The following PTPRZ1 variants were observed in gnomAD, a reference collection of about 807,000 sequenced individuals.
PTPRZ1 encodes the protein receptor-type tyrosine-protein phosphatase zeta.
In PTPRZ1, 82 loss-of-function variants were observed where a neutral mutation model predicts 214.1. The ratio of observed to expected loss-of-function variants is 0.38; its 90% confidence interval spans 0.32 to 0.46. The LOEUF is 0.46. Ranked by LOEUF, PTPRZ1 falls within the 20% of genes least tolerant of loss-of-function variation. PTPRZ1 has a pLI of 1.00. For missense variants in PTPRZ1, 2,603 were observed against 2,748.7 expected, an observed-to-expected ratio of 0.95 and a Z score of 1.19; for synonymous variants, 945 against 987.9, an observed-to-expected ratio of 0.96 and a Z score of 0.81.
At chr7:121,988,476 G>A (rs544197719) in intron 8 of PTPRZ1, among the ~76,000 whole-genome samples, 10 of 152,216 alleles carry the variant, frequency 6.6e-5, no homozygotes, top group African/African-American at 1.4e-4. Flanking sequence ...GCCCTTATGC[G>A]TATAGGGCCT....
intron 13 of PTPRZ1, among the ~76,000 whole-genome samples, chr7:122,021,858 C>T (rs183286955): frequency 1.1e-4 from 16 of 152,256 alleles, no homozygotes; most frequent in African/African-American, 3.8e-4. Context: ...ATCTGACCTA[C>T]TAACATCTGT....
intron 20 of PTPRZ1, among the ~76,000 whole-genome samples, chr7:122,039,853 C>A (rs1799662784): frequency 6.6e-6 from 1 of 151,884 alleles, no homozygotes; most frequent in African/African-American, 2.4e-5. Flanking sequence ...CAAAAATTTG[C>A]TGAGTGTGGT....
chr7:122,026,540 T>A (rs1799211507), intron 13 of PTPRZ1, among the ~76,000 whole-genome samples: 1 of 152,226 alleles, frequency 6.6e-6, no homozygotes, highest in Non-Finnish European at 1.5e-5. Flanking sequence ...GTGGGCCTTC[T>A]GTAGGATAGT....
At chr7:121,899,834 T>A (rs1794906223) in intron 1 of PTPRZ1, among the ~76,000 whole-genome samples, 2 of 152,164 alleles carry the variant, frequency 1.3e-5, no homozygotes, top group African/African-American at 2.4e-5. Context: ...CTTGAGGCCT[T>A]GGACAAGAGA....
chr7:122,040,002 A>C (rs2150477938), intron 20 of PTPRZ1, among the ~76,000 whole-genome samples: 1 of 152,212 alleles, frequency 6.6e-6, no homozygotes, highest in Admixed American at 6.5e-5. Flanking sequence ...AAAGAAAAAA[A>C]AAAAGAATTC....
intron 2 of PTPRZ1, among the ~76,000 whole-genome samples, chr7:121,960,968 C>T (rs901608485): frequency 4.0e-5 from 6 of 151,104 alleles, no homozygotes; most frequent in Non-Finnish European, 7.4e-5. Flanking sequence ...GTTCAGCAAA[C>T]GTTGATTTAA....
rs764189188 is a variant in PTPRZ1 at position 122,019,180 on chromosome 7, GAGA to G, written c.4906_4908del (p.Lys1636del). 1.2e-6 allele frequency: 2 copies of G among 1,611,940 alleles called. No individual in the cohort carries two copies. The highest frequency in any genetic ancestry group is 1.1e-5 in the South Asian group (1 of 91,024). On this transcript the variant is annotated inframe_deletion, in exon 13 of 30. Transcript: ENST00000393386. ...TGGTCTAGCTGAGGGGTTGGAATCCGAGAAGAAGGCAGTTATACCCCTTGTGAT... is the reference window on the plus strand; with the variant it reads ...TGGTCTAGCTGAGGGGTTGGAATCCGAGAAGGCAGTTATACCCCTTGTGAT...
At chr7:122,048,053 A>G (rs531541730) in intron 23 of PTPRZ1, among the ~76,000 whole-genome samples, 6 of 152,296 alleles carry the variant, frequency 3.9e-5, no homozygotes, top group East Asian at 1.9e-4. Flanking sequence ...TTCTCAGAGT[A>G]TAATACAGTA....
intron 1 of PTPRZ1, among the ~76,000 whole-genome samples, chr7:121,920,201 C>A (rs752872363): frequency 2.0e-5 from 3 of 152,104 alleles, no homozygotes; most frequent in Admixed American, 2.0e-4. Context: ...TCCTGAGTGA[C>A]CCCAATCAGA....
Position 122,010,743 on chromosome 7 carries a change from C to G in PTPRZ1, c.1697C>G (p.Thr566Arg), listed in dbSNP as rs778074339. 1.2e-6 allele frequency: 2 copies of G among 1,613,792 alleles called. No homozygotes were observed. The highest frequency in any genetic ancestry group is 2.7e-5 in the African/African-American group (2 of 74,872). Residue 566 changes from threonine (T) to arginine (R), a missense_variant, in exon 12 of 30, where the codon ACA becomes AGA. Coordinates refer to ENST00000393386, the MANE Select transcript of PTPRZ1 (RefSeq NM_002851.3). ...TAESLNTVSI[T>R]EYEEESLLTS... ...GAATCCTTAAATACAGTTTCTATAA[C>G]AGAATATGAGGAGGAGAGTTTATTG...
chr7:122,058,974 T>A (rs775417139), intron 28 of PTPRZ1, 32 bp downstream of exon 28: 5 of 1,529,066 alleles, frequency 3.3e-6, no homozygotes, highest in South Asian at 1.2e-5. Context: ...GTTTCACACC[T>A]GCACATTTTC....
chr7:121,988,247 G>A (rs1292708057), intron 8 of PTPRZ1, among the ~76,000 whole-genome samples: 1 of 152,052 alleles, frequency 6.6e-6, no homozygotes, highest in Non-Finnish European at 1.5e-5. Flanking sequence ...CTTCTAGGGG[G>A]GATCAGAGAT....
chr7:121,890,403 A>G (rs1396384674), intron 1 of PTPRZ1, among the ~76,000 whole-genome samples: 1 of 152,182 alleles, frequency 6.6e-6, no homozygotes, highest in Non-Finnish European at 1.5e-5. Context: ...CTCCTGGGTT[A>G]CATTTTTTCA....
chr7:121,886,780 G>T (rs927373835), intron 1 of PTPRZ1, among the ~76,000 whole-genome samples: 8 of 151,984 alleles, frequency 5.3e-5, no homozygotes, highest in African/African-American at 1.9e-4. Context: ...ACACAATACA[G>T]GTATGCCAGG....
intron 2 of PTPRZ1, among the ~76,000 whole-genome samples, chr7:121,935,726 T>A (rs779185009): frequency 6.6e-6 from 1 of 151,662 alleles, no homozygotes; most frequent in Non-Finnish European, 1.5e-5. Flanking sequence ...CGCCACCACA[T>A]CCCGGCTAAT....
chr7:121,880,924 G>A (rs1377052100), intron 1 of PTPRZ1, among the ~76,000 whole-genome samples: 1 of 152,138 alleles, frequency 6.6e-6, no homozygotes, highest in African/African-American at 2.4e-5. Flanking sequence ...TGTCATGTGT[G>A]TTTTAGTGCA....
At chr7:121,969,561 CAAAAAAA>C (rs5887062) in intron 3 of PTPRZ1, among the ~76,000 whole-genome samples, 35 of 122,900 alleles carry the variant, frequency 2.8e-4, no homozygotes, top group Admixed American at 6.6e-4. Flanking sequence ...AACTCTGTCT[CAAAAAAA>C]AAAAAAAAAA....
At chr7:121,909,169 C>G (rs1194060695) in intron 1 of PTPRZ1, among the ~76,000 whole-genome samples, 1 of 152,096 alleles carries the variant, frequency 6.6e-6, no homozygotes, top group African/African-American at 2.4e-5. Context: ...GAAGATAGAA[C>G]AAGACAATCT....
chr7:121,944,096 G>A (rs1034263226), intron 2 of PTPRZ1, among the ~76,000 whole-genome samples: 2 of 152,140 alleles, frequency 1.3e-5, no homozygotes, highest in African/African-American at 4.8e-5. Context: ...AATTTTTAAT[G>A]CAACTTGCAT....
Sources: gnomAD v4.1 joint callset for allele counts (sites outside exome capture counted in the v4.1 genomes callset) on GRCh38, gnomAD v4.1.1 for gene constraint, MANE v1.5 for transcripts, NCBI Gene and HGNC (gene_info 2026-07-23, HGNC 2026-07-21) for gene names.